HECW1: variants seen among roughly 807,000 people sequenced by gnomAD.
HECW1 encodes the protein HECT, C2 and WW domain containing E3 ubiquitin protein ligase 1, also known as E3 ubiquitin-protein ligase HECW1.
A neutral mutation model predicts 182.3 loss-of-function variants in HECW1; 61 were observed. That is an observed-to-expected ratio of 0.33 (90% CI 0.27 to 0.41). HECW1 has a LOEUF of 0.41. Among genes scored for constraint, HECW1 ranks in the 10% least tolerant of loss-of-function variants. The pLI, the probability that HECW1 is intolerant of heterozygous loss-of-function variation, is 1.00. For synonymous variants in HECW1, 859 were observed against 832.6 expected (o/e 1.03, Z -0.55); for missense variants, 1,739 against 2,108.9 (o/e 0.82, Z 3.44).
At chr7:43,125,099 C>T (rs1315862703) in intron 2 of HECW1, among the ~76,000 whole-genome samples, 1 of 152,132 alleles carries the variant, frequency 6.6e-6, no homozygotes, top group Non-Finnish European at 1.5e-5. Flanking sequence ...CTCCTTGCAC[C>T]CTCGCTTGGT....
chr7:43,427,984 G>A (rs780481688), intron 8 of HECW1, among the ~76,000 whole-genome samples: 2 of 152,156 alleles, frequency 1.3e-5, no homozygotes, highest in Non-Finnish European at 2.9e-5. Flanking sequence ...TTCAAGGTCC[G>A]TTGTTTGGTA....
intron 4 of HECW1, among the ~76,000 whole-genome samples, chr7:43,316,978 A>G (rs1383543864): frequency 6.6e-6 from 1 of 151,078 alleles, no homozygotes; most frequent in Non-Finnish European, 1.5e-5. Context: ...GAATATGTGA[A>G]ATGTGGGGAA....
intron 24 of HECW1, among the ~76,000 whole-genome samples, chr7:43,536,142 T>G (rs893695818): frequency 3.3e-5 from 5 of 152,178 alleles, no homozygotes; most frequent in Non-Finnish European, 5.9e-5. Context: ...AGGATTTGGT[T>G]GTTGTTGTTA....
chr7:43,495,618 G>C (rs2079089612), intron 19 of HECW1, among the ~76,000 whole-genome samples: 1 of 152,128 alleles, frequency 6.6e-6, no homozygotes, highest in Admixed American at 6.6e-5. Flanking sequence ...TACTTTTAGA[G>C]TGAATGAAAG....
At chr7:43,451,028 T>C in intron 12 of HECW1, 99 bp downstream of exon 12, 1 of 826,070 alleles carries the variant, frequency 1.2e-6, no homozygotes, top group South Asian at 1.5e-5. Flanking sequence ...CTTTCCCGAC[T>C]CCGTGCCTTA....
chr7:43,291,111 C>T (rs972660762), intron 3 of HECW1, among the ~76,000 whole-genome samples: 1 of 152,210 alleles, frequency 6.6e-6, no homozygotes, highest in Admixed American at 6.5e-5. Flanking sequence ...AAACAGAATG[C>T]TTGTTCCGTG....
chr7:43,286,330 G>GCCTA (rs1294609855), intron 3 of HECW1, among the ~76,000 whole-genome samples: 2 of 152,164 alleles, frequency 1.3e-5, no homozygotes, highest in African/African-American at 4.8e-5. Context: ...GACTGCCCAA[G>GCCTA]CCTATGATGG....
intron 6 of HECW1, among the ~76,000 whole-genome samples, chr7:43,385,312 T>C (rs1435271484): frequency 1.8e-5 from 2 of 111,078 alleles, no homozygotes; most frequent in African/African-American, 6.7e-5. Context: ...CCTCCCCTCC[T>C]GCGTACTGAC....
chr7:43,191,418 A>G (rs980263470), intron 2 of HECW1, among the ~76,000 whole-genome samples: 3 of 152,258 alleles, frequency 2.0e-5, no homozygotes, highest in African/African-American at 7.2e-5. Flanking sequence ...AAACACATGC[A>G]GAGCCAGAAT....
At chr7:43,503,676 T>A (rs371498514) in intron 21 of HECW1, among the ~76,000 whole-genome samples, 13 of 151,930 alleles carry the variant, frequency 8.6e-5, no homozygotes, top group African/African-American at 2.9e-4. Context: ...ATTTTAAACT[T>A]TACAATCCCC....
chr7:43,252,124 C>T (rs563226166), intron 3 of HECW1, among the ~76,000 whole-genome samples: 3 of 152,252 alleles, frequency 2.0e-5, no homozygotes, highest in African/African-American at 7.2e-5. Context: ...ACCTGCGAGC[C>T]CTCTACTCAG....
intron 26 of HECW1, among the ~76,000 whole-genome samples, chr7:43,546,694 T>G (rs1035504898): frequency 6.6e-6 from 1 of 152,040 alleles, no homozygotes; most frequent in African/African-American, 2.4e-5. Context: ...AACAAAGCAC[T>G]GACAGAACCA....
intron 2 of HECW1, among the ~76,000 whole-genome samples, chr7:43,175,178 A>G (rs966888795): frequency 4.6e-5 from 7 of 151,626 alleles, no homozygotes; most frequent in Admixed American, 3.9e-4. Flanking sequence ...GTGTGTGTAC[A>G]CATACACATA....
chr7:43,263,864 T>C (rs1269599264), intron 3 of HECW1, among the ~76,000 whole-genome samples: 2 of 152,192 alleles, frequency 1.3e-5, no homozygotes, highest in Non-Finnish European at 2.9e-5. Context: ...GTTTCTCCAC[T>C]CCTTACCTCT....
chr7:43,235,736 T>C (rs1798270914), intron 2 of HECW1, among the ~76,000 whole-genome samples: 1 of 152,154 alleles, frequency 6.6e-6, no homozygotes, highest in Non-Finnish European at 1.5e-5. Flanking sequence ...GTCTCAGTAT[T>C]GGGCTCTACT....
intron 5 of HECW1, among the ~76,000 whole-genome samples, chr7:43,328,427 C>T (rs1003580273): frequency 2.1e-4 from 32 of 152,366 alleles, no homozygotes; most frequent in African/African-American, 7.2e-4. Flanking sequence ...ACAGAAGAAG[C>T]AGTGAACTAG....
chr7:43,528,380 C>A (rs2080846829), intron 24 of HECW1, among the ~76,000 whole-genome samples: 1 of 152,152 alleles, frequency 6.6e-6, no homozygotes, highest in African/African-American at 2.4e-5. Flanking sequence ...TTTCCTGGAT[C>A]TTTGTTCCTT....
intron 2 of HECW1, among the ~76,000 whole-genome samples, chr7:43,141,386 A>T (rs1323901301): frequency 1.3e-5 from 2 of 152,192 alleles, no homozygotes; most frequent in Non-Finnish European, 2.9e-5. Flanking sequence ...GAACTGCTGC[A>T]CCTGGGGCTG....
At chr7:43,467,957 A>G (rs2077855007) in intron 15 of HECW1, among the ~76,000 whole-genome samples, 1 of 152,008 alleles carries the variant, frequency 6.6e-6, no homozygotes, top group Non-Finnish European at 1.5e-5. Flanking sequence ...AGCTCCCCAG[A>G]GGTGTTGTGG....
Sources: gnomAD v4.1 joint callset for allele counts (sites outside exome capture counted in the v4.1 genomes callset) on GRCh38, gnomAD v4.1.1 for gene constraint, MANE v1.5 for transcripts, NCBI Gene and HGNC (gene_info 2026-07-23, HGNC 2026-07-21) for gene names.